Variants in EYA1 observed in about 807,000 individuals in gnomAD.
EYA1 encodes the protein EYA transcriptional coactivator and phosphatase 1, also known as protein phosphatase EYA1.
Under a neutral mutation model 82.0 loss-of-function variants are expected in EYA1, and 16 were observed. The observed-to-expected ratio is 0.20, with a 90% CI of 0.13 to 0.30. The LOEUF is 0.30. Ranked by LOEUF, EYA1 falls within the 10% of genes least tolerant of loss-of-function variation. The pLI is 1.00. For synonymous variants in EYA1, 261 were observed against 264.4 expected (o/e 0.99, Z 0.12); for missense variants, 633 against 730.7 (o/e 0.87, Z 1.54).
At chr8:71,269,076 T>A (rs1008319429) in intron 11 of EYA1, among the ~76,000 whole-genome samples, 2 of 152,148 alleles carry the variant, frequency 1.3e-5, no homozygotes, top group African/African-American at 4.8e-5. Context: ...ACTTATGAAA[T>A]CATCAATATG....
chr8:71,324,048 A>G (rs1339580790), intron 4 of EYA1: 1 of 152,216 alleles, frequency 6.6e-6, no homozygotes, highest in Non-Finnish European at 1.5e-5. Context: ...ATGCAATGCT[A>G]CTTGCTGACA....
intron 2 of EYA1, among the ~76,000 whole-genome samples, chr8:71,443,489 C>T (rs1047968877): frequency 1.3e-5 from 2 of 152,144 alleles, no homozygotes; most frequent in African/African-American, 4.8e-5. Context: ...CTATGTTGGC[C>T]AGGATGGTCT....
At chr8:71,212,903 C>A (rs539167288) in intron 16 of EYA1, among the ~76,000 whole-genome samples, 1 of 152,160 alleles carries the variant, frequency 6.6e-6, no homozygotes, top group South Asian at 2.1e-4. Context: ...ATGGAGAAAC[C>A]CCGTCTCTAC....
chr8:71,393,157 C>A (rs1412093006), intron 2 of EYA1, among the ~76,000 whole-genome samples: 2 of 152,112 alleles, frequency 1.3e-5, no homozygotes, highest in African/African-American at 4.8e-5. Context: ...GCAATATTCA[C>A]TGTAAAATAT....
chr8:71,315,839 A>G (rs1396917056), intron 7 of EYA1, among the ~76,000 whole-genome samples: 1 of 152,242 alleles, frequency 6.6e-6, no homozygotes, highest in Non-Finnish European at 1.5e-5. Context: ...GTTATAAAAT[A>G]GTTTTTATTT....
intron 12 of EYA1, among the ~76,000 whole-genome samples, chr8:71,244,142 G>A (rs1367248435): frequency 6.6e-6 from 1 of 152,154 alleles, no homozygotes. Context: ...AGCAGTCCTG[G>A]CAACCCAAAC....
At chr8:71,488,545 G>T (rs1810745512) in intron 2 of EYA1, among the ~76,000 whole-genome samples, 1 of 152,188 alleles carries the variant, frequency 6.6e-6, no homozygotes, top group Non-Finnish European at 1.5e-5. Flanking sequence ...GATCAGTCGT[G>T]CCAGAAGTCA....
chr8:71,284,922 C>T (rs1221042124), intron 9 of EYA1, among the ~76,000 whole-genome samples: 6 of 152,146 alleles, frequency 3.9e-5, no homozygotes, highest in African/African-American at 1.4e-4. Context: ...TTCCTGAGGA[C>T]TTTGTTTCTT....
chr8:71,346,444 A>ATATATATATATATATAT (rs1417489391), intron 3 of EYA1, among the ~76,000 whole-genome samples: 1 of 142,696 alleles, frequency 7.0e-6, no homozygotes, highest in African/African-American at 2.6e-5. Context: ...ATATATATAT[A>ATATATATATATATATAT]TATATATATA....
intron 2 of EYA1, among the ~76,000 whole-genome samples, chr8:71,456,313 G>A (rs1192804876): frequency 3.3e-5 from 5 of 152,132 alleles, no homozygotes; most frequent in South Asian, 2.1e-4. Context: ...AATCAATATC[G>A]TGAAAATGGC....
chr8:71,544,272 T>A (rs182050241), intron 1 of EYA1, among the ~76,000 whole-genome samples: 2 of 152,242 alleles, frequency 1.3e-5, no homozygotes, highest in Admixed American at 1.3e-4. Context: ...TGGCAAAGGA[T>A]GTTGTGATGG....
chr8:71,228,035 C>T (rs1010631299), intron 12 of EYA1, among the ~76,000 whole-genome samples: 1 of 152,036 alleles, frequency 6.6e-6, no homozygotes, highest in Non-Finnish European at 1.5e-5. Flanking sequence ...AAGATTTTTC[C>T]AAGCTGATTT....
intron 2 of EYA1, among the ~76,000 whole-genome samples, chr8:71,523,179 C>CTTTTTTTTTTTTTTTTTT (rs1160944112): frequency 2.5e-5 from 3 of 119,746 alleles, no homozygotes; most frequent in Non-Finnish European, 3.6e-5. Flanking sequence ...TTTTCTTTTT[C>CTTTTTTTTTTTTTTTTTT]TTTTTTTTTT....
At chr8:71,412,379 T>TA (rs1028364526) in intron 2 of EYA1, among the ~76,000 whole-genome samples, 4 of 143,628 alleles carry the variant, frequency 2.8e-5, no homozygotes, top group African/African-American at 2.5e-5. Flanking sequence ...TAAAGTATAA[T>TA]AAAAAAATAT....
intron 2 of EYA1, among the ~76,000 whole-genome samples, chr8:71,496,493 C>T (rs1045411655): frequency 1.3e-5 from 2 of 152,156 alleles, no homozygotes; most frequent in Admixed American, 6.5e-5. Flanking sequence ...AACGTTATAG[C>T]TCTGTGTTAA....
intron 9 of EYA1, among the ~76,000 whole-genome samples, chr8:71,282,553 T>C (rs1817926795): frequency 6.6e-6 from 1 of 152,234 alleles, no homozygotes; most frequent in Non-Finnish European, 1.5e-5. Flanking sequence ...ACACAGTTGA[T>C]CATGGCTTCC....
In EYA1 at chr8:71,198,014, G is replaced by GAAGAA. The variant is rs1806456499; in HGVS notation, c.*1321_*1325dup. ...CAATGAACCTTCCTCAGGGTGACAG[G>GAAGAA]AAGAAAGAGAAAATACGCACATAGG... On this transcript the variant is annotated 3_prime_UTR_variant, in exon 18 of 18. Transcript: ENST00000340726. The GAAGAA allele has an allele frequency of 6.6e-6, 1 of 152,188 alleles. No homozygotes were observed. Among genetic ancestry groups the GAAGAA allele is most frequent in the Non-Finnish European group, 1.5e-5 (1 of 68,034 alleles). The allele number at this position is 152,188 out of a possible 1,614,324, so 9.4% of individuals were successfully genotyped here.
At chr8:71,493,840 G>A (rs1811199916) in intron 2 of EYA1, among the ~76,000 whole-genome samples, 1 of 148,796 alleles carries the variant, frequency 6.7e-6, no homozygotes, top group African/African-American at 2.4e-5. Flanking sequence ...CGGCTAAAAC[G>A]GTGAAACCCC....
chr8:71,403,569 T>C (rs1182445486), intron 2 of EYA1: 2 of 152,214 alleles, frequency 1.3e-5, no homozygotes, highest in Non-Finnish European at 2.9e-5. Flanking sequence ...GGACTTTCAC[T>C]GCACCATTTT....
Sources: gnomAD v4.1 joint callset for allele counts (sites outside exome capture counted in the v4.1 genomes callset) on GRCh38, gnomAD v4.1.1 for gene constraint, MANE v1.5 for transcripts, NCBI Gene and HGNC (gene_info 2026-07-23, HGNC 2026-07-21) for gene names.